The following PRKN variants were observed in gnomAD, a reference collection of about 807,000 sequenced individuals.
PRKN encodes parkin RBR E3 ubiquitin protein ligase, also known as E3 ubiquitin-protein ligase parkin.
In PRKN, 56 loss-of-function variants were observed where a neutral mutation model predicts 59.5. That is an observed-to-expected ratio of 0.94 (90% confidence interval 0.76 to 1.18). PRKN has a LOEUF of 1.18. Ranked by LOEUF, PRKN falls within the 50% of genes most tolerant of loss-of-function variation. The pLI is 0.00. For synonymous variants in PRKN, 250 were observed against 222.1 expected (o/e 1.13, Z -1.12); for missense variants, 657 against 596.4 (o/e 1.10, Z -1.06).
chr6:161,517,445 G>C (rs1236251692), intron 9 of PRKN, among the ~76,000 whole-genome samples: 1 of 152,010 alleles, frequency 6.6e-6, no homozygotes, highest in Non-Finnish European at 1.5e-5. Flanking sequence ...ATGAAATCAA[G>C]AGTTGAGGTG....
intron 6 of PRKN, among the ~76,000 whole-genome samples, chr6:161,964,980 G>A (rs1321602936): frequency 6.6e-6 from 1 of 152,050 alleles, no homozygotes; most frequent in Non-Finnish European, 1.5e-5. Context: ...GACAAAAGAA[G>A]CTTAAGACAT....
chr6:161,919,052 G>C (rs897280345), intron 6 of PRKN, among the ~76,000 whole-genome samples: 13 of 152,150 alleles, frequency 8.5e-5, no homozygotes, highest in African/African-American at 3.1e-4. Context: ...GAGGAGAAAT[G>C]AAAGTGCAGA....
Position 161,493,031 on chromosome 6 carries a change from T to C in PRKN, c.1083+55823A>G, listed in dbSNP as rs185463559. On this transcript the variant is annotated intron_variant, in intron 9 of 11. Transcript: ENST00000366898. ...TGCATATATACATAGTTATAAAACA[T>C]AACCGTTAAATTCTAGTTAAATGCC... is the stretch of plus-strand genomic sequence containing the variant. 5.2e-3 allele frequency among the ~76,000 whole-genome samples: 795 copies of C among 152,350 alleles called. 12 individuals are homozygous for C. The highest frequency in any genetic ancestry group is 0.018 in the African/African-American group (767 of 41,576).
intron 1 of PRKN, among the ~76,000 whole-genome samples, chr6:162,624,140 C>T (rs529957048): frequency 4.1e-4 from 62 of 151,242 alleles, no homozygotes; most frequent in African/African-American, 1.4e-3. Flanking sequence ...CCCAGCTACT[C>T]GGGAGGCTGA....
intron 6 of PRKN, among the ~76,000 whole-genome samples, chr6:161,913,238 T>C (rs1341703364): frequency 6.9e-6 from 1 of 144,992 alleles, no homozygotes; most frequent in East Asian, 2.0e-4. Context: ...GAACACCCAA[T>C]AGTCAAACTC....
intron 1 of PRKN, among the ~76,000 whole-genome samples, chr6:162,478,000 G>A (rs762637858): frequency 5.3e-5 from 8 of 152,066 alleles, no homozygotes; most frequent in African/African-American, 1.2e-4. Context: ...GTCCTAAAGC[G>A]CAGGGTCCTA....
rs1582952578 is a variant in PRKN, at chr6:161,349,586, G to A, written c.*513C>T. Reference sequence around the variant, plus strand: ...ATAAGAACATTACTGTTAAAGCCATGAATCTAGTTTGGAGAACCCACTGCA... The same window carrying A: ...ATAAGAACATTACTGTTAAAGCCATAAATCTAGTTTGGAGAACCCACTGCA... On this transcript the variant is annotated 3_prime_UTR_variant, in exon 12 of 12. Coordinates refer to ENST00000366898, the MANE Select transcript of PRKN (RefSeq NM_004562.3). This position sits in a 1 kb window ranked among gnomAD's most constrained non-coding sequence, Gnocchi z 5.5. 4.1e-6 allele frequency: 1 copy of A among 242,126 alleles called. No homozygotes were observed. The highest frequency in any genetic ancestry group is 5.2e-5 in the Admixed American group (1 of 19,396). 15.0% of individuals were successfully genotyped at this position (242,126 alleles called of 1,614,324 possible). A position where few individuals can be genotyped will look rare whatever the true frequency, so the allele number is the denominator to read the frequency against.
intron 4 of PRKN, among the ~76,000 whole-genome samples, chr6:162,102,869 C>T (rs1283704631): frequency 6.6e-6 from 1 of 151,640 alleles, no homozygotes; most frequent in Non-Finnish European, 1.5e-5. Flanking sequence ...CGGTGAAACC[C>T]CGTCTCTACT....
chr6:162,636,525 T>C (rs1777719199), intron 1 of PRKN, among the ~76,000 whole-genome samples: 1 of 152,178 alleles, frequency 6.6e-6, no homozygotes, highest in Admixed American at 6.5e-5. Flanking sequence ...TGGAATATAT[T>C]AGATGAACTC....
chr6:162,624,060 C>T (rs544671565), intron 1 of PRKN, among the ~76,000 whole-genome samples: 2 of 151,886 alleles, frequency 1.3e-5, no homozygotes, highest in Admixed American at 1.3e-4. Context: ...ATCAGCCTGG[C>T]TAACATGGTG....
intron 1 of PRKN, among the ~76,000 whole-genome samples, chr6:162,511,628 G>A (rs369872960): frequency 1.2e-4 from 18 of 152,062 alleles, no homozygotes; most frequent in Middle Eastern, 3.4e-3. Context: ...ACATGTATAC[G>A]ACTAAAGAGA....
At chr6:161,923,492 CTTTT>C (rs1232795617) in intron 6 of PRKN, among the ~76,000 whole-genome samples, 1 of 152,076 alleles carries the variant, frequency 6.6e-6, no homozygotes, top group African/African-American at 2.4e-5. Flanking sequence ...TCCTCCTCTT[CTTTT>C]TATTTGCAAA....
At chr6:162,350,658 A>C (rs1425016060) in intron 2 of PRKN, among the ~76,000 whole-genome samples, 1 of 152,190 alleles carries the variant, frequency 6.6e-6, no homozygotes, top group East Asian at 1.9e-4. Context: ...TTTACATCAT[A>C]TACAAAATTA....
At chr6:161,682,277 C>T (rs1361231997) in intron 7 of PRKN, among the ~76,000 whole-genome samples, 1 of 152,200 alleles carries the variant, frequency 6.6e-6, no homozygotes, top group Non-Finnish European at 1.5e-5. Flanking sequence ...CCATAGAGGC[C>T]TCCCTGAGGC....
At chr6:162,082,775 A>G (rs1449015976) in intron 4 of PRKN, among the ~76,000 whole-genome samples, 1 of 151,990 alleles carries the variant, frequency 6.6e-6, no homozygotes, top group East Asian at 1.9e-4. Context: ...TGTCTGAGGA[A>G]ATAGGGAGGC....
chr6:162,448,559 C>G (rs1790431880), intron 1 of PRKN, among the ~76,000 whole-genome samples: 1 of 152,094 alleles, frequency 6.6e-6, no homozygotes, highest in Non-Finnish European at 1.5e-5. Context: ...ATCCTTTCTT[C>G]TCTTGGCACC....
At chr6:162,617,566 T>C (rs528135455) in intron 1 of PRKN, among the ~76,000 whole-genome samples, 2 of 116,080 alleles carry the variant, frequency 1.7e-5, no homozygotes, top group African/African-American at 7.6e-5. Context: ...CAGCATCCCA[T>C]GCAATTATTC....
Position 162,025,704 on chromosome 6 carries a change from T to G in PRKN, c.618+28387A>C, listed in dbSNP as rs150513847. 7.4e-3 allele frequency among the ~76,000 whole-genome samples: 1,105 copies of G among 148,762 alleles called. 15 individuals carry two copies. The highest frequency in any genetic ancestry group is 0.025 in the African/African-American group (1,031 of 40,644). Reference sequence around the variant, plus strand: ...CCCAGGTTCAAGCGATTCTTCTGCCTCAGCCTCCTGAGTAGCTGGGACCAC... The same window carrying G: ...CCCAGGTTCAAGCGATTCTTCTGCCGCAGCCTCCTGAGTAGCTGGGACCAC... On this transcript the variant is annotated intron_variant, in intron 5 of 11. Coordinates refer to ENST00000366898, the MANE Select transcript of PRKN (RefSeq NM_004562.3).
At chr6:162,718,762 G>A (rs906090460) in intron 1 of PRKN, among the ~76,000 whole-genome samples, 1 of 151,806 alleles carries the variant, frequency 6.6e-6, no homozygotes, top group African/African-American at 2.4e-5. Context: ...ACAAAATAGA[G>A]TTCTAAAATG....
Sources: gnomAD v4.1 joint callset for allele counts (sites outside exome capture counted in the v4.1 genomes callset) on GRCh38, gnomAD v4.1.1 for gene constraint, Gnocchi (gnomAD v3.1) non-coding constraint, MANE v1.5 for transcripts, NCBI Gene and HGNC (gene_info 2026-07-23, HGNC 2026-07-21) for gene names.